PCDH9: variants seen among roughly 807,000 people sequenced by gnomAD.
PCDH9 encodes the protein protocadherin 9.
Under a neutral mutation model 70.6 loss-of-function variants are expected in PCDH9, and 24 were observed. The ratio of observed to expected loss-of-function variants is 0.34; its 90% confidence interval spans 0.25 to 0.48. PCDH9 has a LOEUF of 0.48. Among genes scored for constraint, PCDH9 ranks in the 20% least tolerant of loss-of-function variants. The probability of loss-of-function intolerance (pLI) is 0.99; values close to 1 mark genes in which losing one functional copy is unlikely to be tolerated. For missense variants in PCDH9, 1,281 were observed against 1,503.6 expected, an observed-to-expected ratio of 0.85 and a Z score of 2.45; for synonymous variants, 562 against 558.5, an observed-to-expected ratio of 1.01 and a Z score of -0.09.
chr13:66,949,098 A>G (rs1303582926), intron 2 of PCDH9, among the ~76,000 whole-genome samples: 1 of 152,112 alleles, frequency 6.6e-6, no homozygotes, highest in Non-Finnish European at 1.5e-5. Flanking sequence ...TTAAAGAGAG[A>G]GTTCTGCAGG....
intron 2 of PCDH9, among the ~76,000 whole-genome samples, chr13:66,929,178 T>C (rs1414400910): frequency 1.3e-5 from 2 of 152,070 alleles, no homozygotes; most frequent in African/African-American, 4.8e-5. Context: ...AGTTATAAAA[T>C]ATTTTAGTCA....
At chr13:66,598,715 C>T (rs751508248) in intron 4 of PCDH9, among the ~76,000 whole-genome samples, 3 of 151,778 alleles carry the variant, frequency 2.0e-5, no homozygotes, top group Non-Finnish European at 4.4e-5. Flanking sequence ...TTTGTGCTAG[C>T]TTAAACAACT....
intron 2 of PCDH9, among the ~76,000 whole-genome samples, chr13:67,155,178 A>C (rs2087779044): frequency 6.6e-6 from 1 of 152,186 alleles, no homozygotes; most frequent in Admixed American, 6.5e-5. Flanking sequence ...ATTTTTCAGA[A>C]GCAAACTAAA....
intron 2 of PCDH9, among the ~76,000 whole-genome samples, chr13:67,155,904 T>C (rs2987331): frequency 0.033 from 5,021 of 152,236 alleles, 271 homozygotes; most frequent in African/African-American, 0.11. Context: ...AATCTATGCC[T>C]GCTACAGCGT....
intron 2 of PCDH9, among the ~76,000 whole-genome samples, chr13:66,926,043 A>G (rs1007032403): frequency 2.6e-5 from 4 of 151,972 alleles, no homozygotes; most frequent in East Asian, 1.9e-4. Context: ...TTCACATTGC[A>G]TTTGACTCCC....
At chr13:67,006,119 C>T (rs188728637) in intron 2 of PCDH9, among the ~76,000 whole-genome samples, 1,917 of 152,050 alleles carry the variant, frequency 0.013, 43 homozygotes, top group African/African-American at 0.043. Flanking sequence ...CCCAGCTACT[C>T]GGGAGGCTGA....
At chr13:66,809,138 C>T (rs1178347075) in intron 3 of PCDH9, among the ~76,000 whole-genome samples, 3 of 152,070 alleles carry the variant, frequency 2.0e-5, no homozygotes, top group South Asian at 2.1e-4. Flanking sequence ...TTAGTAGAGA[C>T]GGGGTTTCAC....
chr13:67,094,175 G>A (rs1003296576), intron 2 of PCDH9, among the ~76,000 whole-genome samples: 4 of 152,126 alleles, frequency 2.6e-5, no homozygotes, highest in Non-Finnish European at 4.4e-5. Context: ...ACATTCTTAA[G>A]TTGTGTCTGT....
At chr13:66,735,326 T>C (rs2079131973) in intron 3 of PCDH9, among the ~76,000 whole-genome samples, 1 of 151,862 alleles carries the variant, frequency 6.6e-6, no homozygotes. Context: ...TAAGGAGAGG[T>C]TTCAAATTAA....
intron 3 of PCDH9, among the ~76,000 whole-genome samples, chr13:66,751,545 T>C (rs2079459680): frequency 6.6e-6 from 1 of 152,168 alleles, no homozygotes; most frequent in African/African-American, 2.4e-5. Flanking sequence ...TTCAGCTGTG[T>C]TTTATGTTAA....
intron 4 of PCDH9, among the ~76,000 whole-genome samples, chr13:66,369,578 T>C (rs1372638679): frequency 6.6e-6 from 1 of 152,162 alleles, no homozygotes; most frequent in African/African-American, 2.4e-5. Flanking sequence ...AGTATACTAC[T>C]ACTTATTTTT....
At chr13:66,803,546 A>G (rs1460713928) in intron 3 of PCDH9, among the ~76,000 whole-genome samples, 5 of 152,132 alleles carry the variant, frequency 3.3e-5, no homozygotes, top group African/African-American at 4.8e-5. Flanking sequence ...CAACACTATG[A>G]AATCACAAAA....
chr13:67,049,028 T>C (rs1348797718), intron 2 of PCDH9, among the ~76,000 whole-genome samples: 1 of 152,206 alleles, frequency 6.6e-6, no homozygotes. Flanking sequence ...AATTACTTTG[T>C]AGATAGGAGT....
intron 3 of PCDH9, among the ~76,000 whole-genome samples, chr13:66,853,466 T>A (rs1401329916): frequency 6.6e-6 from 1 of 152,134 alleles, no homozygotes; most frequent in African/African-American, 2.4e-5. Flanking sequence ...TCTCCATACC[T>A]GTCATTCATC....
chr13:66,977,794 T>G (rs1361170477), intron 2 of PCDH9, among the ~76,000 whole-genome samples: 1 of 151,724 alleles, frequency 6.6e-6, no homozygotes, highest in Non-Finnish European at 1.5e-5. Flanking sequence ...CAGAAAAGAG[T>G]GCTGGGAAAT....
At chr13:66,679,467 T>G (rs1368220095) in intron 3 of PCDH9, among the ~76,000 whole-genome samples, 2 of 151,904 alleles carry the variant, frequency 1.3e-5, no homozygotes, top group Non-Finnish European at 2.9e-5. Context: ...ATCCAATAGC[T>G]TTTTGAACCT....
intron 2 of PCDH9, among the ~76,000 whole-genome samples, chr13:67,069,905 C>G (rs1391312019): frequency 6.6e-6 from 1 of 151,938 alleles, no homozygotes; most frequent in African/African-American, 2.4e-5. Flanking sequence ...GAATATCATT[C>G]ATCCTTTGTG....
intron 2 of PCDH9, among the ~76,000 whole-genome samples, chr13:67,172,877 C>CAAA (rs11407365): frequency 0.031 from 3,069 of 98,836 alleles, 166 homozygotes; most frequent in Admixed American, 0.11. Context: ...GACTCCATCT[C>CAAA]AAAAAAAAAA....
At chr13:66,810,907 A>C (rs76565917) in intron 3 of PCDH9, among the ~76,000 whole-genome samples, 2,401 of 152,060 alleles carry the variant, frequency 0.016, 78 homozygotes, top group African/African-American at 0.054. Context: ...TGGATGAAGA[A>C]ACTGAAAAAA....
Sources: allele counts gnomAD v4.1 joint callset (sites outside exome capture counted in the v4.1 genomes callset), GRCh38; gene constraint gnomAD v4.1.1; transcripts MANE v1.5; gene names NCBI Gene and HGNC (gene_info 2026-07-23, HGNC 2026-07-21).